The following YTHDC1 variants were observed in gnomAD, a reference collection of about 807,000 sequenced individuals.
YTHDC1 encodes the protein YTH domain-containing protein 1.
A neutral mutation model predicts 107.0 loss-of-function variants in YTHDC1; 12 were observed. The observed-to-expected ratio is 0.11, with a 90% confidence interval of 0.07 to 0.18. The LOEUF is 0.18. YTHDC1 is among the 10% of genes least tolerant of loss of function. The pLI is 1.00. For missense variants in YTHDC1, 635 were observed against 898.8 expected, an observed-to-expected ratio of 0.71 and a Z score of 3.75; for synonymous variants, 280 against 289.5, an observed-to-expected ratio of 0.97 and a Z score of 0.33.
chr4:68,337,780 A>G lies in YTHDC1; in HGVS notation c.251T>C (p.Ile84Thr), dbSNP rs201696087. The G allele has an allele frequency of 6.8e-6, 11 of 1,614,028 alleles. No individual in the cohort carries two copies. Among genetic ancestry groups the G allele is most frequent in the African/African-American group, 6.7e-5 (5 of 74,934 alleles). Reference sequence around the variant, plus strand: ...GGCTGACTTTCCTTTTGTACTAACTATTCTTTTGTTATTGCTAACAGATGA... The same window carrying G: ...GGCTGACTTTCCTTTTGTACTAACTGTTCTTTTGTTATTGCTAACAGATGA... ...LSSSVSNNKRIVSTKGKSATE... is the reference protein window; with the variant it reads ...LSSSVSNNKRTVSTKGKSATE... The change falls in exon 3 of 17, where the codon ATA becomes ACA. Residue 84 changes from isoleucine (I) to threonine (T), a missense_variant. Coordinates refer to ENST00000344157, the MANE Select transcript of YTHDC1 (RefSeq NM_001031732.4).
intron 1 of YTHDC1, among the ~76,000 whole-genome samples, chr4:68,345,490 T>C (rs905191811): frequency 2.0e-5 from 3 of 152,226 alleles, no homozygotes; most frequent in African/African-American, 7.2e-5. Flanking sequence ...TATTGTCTTG[T>C]AATGTACGTT....
At chr4:68,328,376 T>C (rs1723215625) in intron 9 of YTHDC1, among the ~76,000 whole-genome samples, 1 of 152,180 alleles carries the variant, frequency 6.6e-6, no homozygotes, top group Non-Finnish European at 1.5e-5. Flanking sequence ...CACCAGATTT[T>C]CAACTTTAAT....
intron 4 of YTHDC1, among the ~76,000 whole-genome samples, chr4:68,336,007 A>G (rs555199178): frequency 1.3e-4 from 19 of 148,094 alleles, no homozygotes; most frequent in African/African-American, 4.4e-4. Flanking sequence ...ATAAATATAT[A>G]GTATAAAATA....
chr4:68,337,962 A>C lies in YTHDC1; in HGVS notation c.131-62T>G, dbSNP rs930744136. 1.2e-5 allele frequency: 18 copies of C among 1,536,726 alleles called. No homozygotes were observed. In the Middle Eastern group the frequency reaches 1.2e-3, roughly 100 times the overall value. ...TTTGTAGTATTCCATTTATTTCACC[A>C]AAGACTGACAATAATATATACATCA... On this transcript the variant is annotated intron_variant, in intron 2 of 16. Transcript: ENST00000344157.
At chr4:68,342,584 T>G (rs561638419) in intron 1 of YTHDC1, among the ~76,000 whole-genome samples, 1 of 152,308 alleles carries the variant, frequency 6.6e-6, no homozygotes, top group African/African-American at 2.4e-5. Flanking sequence ...ATATTTTAAT[T>G]ATATACTTGA....
Position 68,313,413 on chromosome 4 carries a change from A to G in YTHDC1, c.*686T>C, listed in dbSNP as rs1721460123. On this transcript the variant is annotated 3_prime_UTR_variant, in exon 17 of 17. Coordinates refer to ENST00000344157, the MANE Select transcript of YTHDC1 (RefSeq NM_001031732.4). ...GCTGCCACGCACGCAAGTTGTGAAC[A>G]TTCCAAGCCAATGTATACAATTTGG... 6.6e-6 allele frequency: 1 copy of G among 152,670 alleles called. No homozygotes were observed. The highest frequency in any genetic ancestry group is 6.5e-5 in the Admixed American group (1 of 15,278). 9.5% of individuals were successfully genotyped at this position (152,670 alleles called of 1,614,324 possible).
intron 9 of YTHDC1, among the ~76,000 whole-genome samples, chr4:68,329,052 T>C (rs997337566): frequency 3.3e-5 from 5 of 152,202 alleles, no homozygotes; most frequent in South Asian, 4.1e-4. Context: ...AGTGACTGTA[T>C]GCTATTTGTA....
chr4:68,342,471 C>A (rs1724929195), intron 1 of YTHDC1, among the ~76,000 whole-genome samples: 1 of 152,162 alleles, frequency 6.6e-6, no homozygotes, highest in African/African-American at 2.4e-5. Context: ...GCTTACCTAG[C>A]TTCAAACAGA....
chr4:68,321,290 G>GC (rs1722421582), intron 11 of YTHDC1, among the ~76,000 whole-genome samples: 1 of 152,002 alleles, frequency 6.6e-6, no homozygotes, highest in African/African-American at 2.4e-5. Flanking sequence ...ATAATCCCAA[G>GC]CCCCCCAACA....
intron 1 of YTHDC1, among the ~76,000 whole-genome samples, chr4:68,341,538 G>C (rs991508998): frequency 6.6e-6 from 1 of 151,222 alleles, no homozygotes; most frequent in Non-Finnish European, 1.5e-5. Context: ...TGCCTATTTA[G>C]AATGGCCTGC....
chr4:68,327,835 C>T (rs979707512), intron 9 of YTHDC1, among the ~76,000 whole-genome samples: 1 of 152,038 alleles, frequency 6.6e-6, no homozygotes, highest in Non-Finnish European at 1.5e-5. Context: ...ATATCACAAG[C>T]CCTCCAGAAC....
intron 2 of YTHDC1, 110 bp downstream of exon 2, chr4:68,338,173 T>G: frequency 7.6e-7 from 1 of 1,310,962 alleles, no homozygotes; most frequent in Non-Finnish European, 1.0e-6. Flanking sequence ...ACATTTAGTG[T>G]TAACTGCCTC....
rs1198197248 is a variant in YTHDC1, at chr4:68,313,102, A to C, written c.*997T>G. 2 of 152,218 alleles carry C rather than the reference A, an allele frequency of 1.3e-5. No homozygotes were observed. The highest frequency in any genetic ancestry group is 4.8e-5 in the African/African-American group (2 of 41,462). The allele number at this position is 152,218 out of a possible 1,614,324, so 9.4% of individuals were successfully genotyped here. A position where few individuals can be genotyped will look rare whatever the true frequency, so the allele number is the denominator to read the frequency against. On this transcript the variant is annotated 3_prime_UTR_variant, in exon 17 of 17. Coordinates refer to ENST00000344157, the MANE Select transcript of YTHDC1 (RefSeq NM_001031732.4). The stretch of plus-strand genomic sequence containing the variant: ...GACTCAAAATGTTATCAGGTGTATA[A>C]ATACTTAACCAAATTATTAACATAA...
intron 1 of YTHDC1, chr4:68,343,974 T>C (rs1725136657): frequency 1.3e-5 from 2 of 152,304 alleles, no homozygotes; most frequent in African/African-American, 4.8e-5. Context: ...ATGCTGTTTT[T>C]AAAAATTCTA....
rs1423838462 is a variant in YTHDC1 at position 68,323,220 on chromosome 4, CAGGACA to C, written c.1435-311_1435-306del. 3.9e-5 allele frequency among the ~76,000 whole-genome samples: 6 copies of C among 152,104 alleles called. No individual in the cohort carries two copies. The East Asian group carries it at 7.7e-4, about 20-fold the overall frequency. On this transcript the variant is annotated intron_variant, in intron 10 of 16. Transcript: ENST00000344157. ...TTCTTTGTGCAAAATAGAAAAATAT[CAGGACA>C]AGGTCATTTAATACAATGGAAAAAA...
intron 1 of YTHDC1, among the ~76,000 whole-genome samples, chr4:68,349,015 C>T (rs1725763273): frequency 6.6e-6 from 1 of 152,110 alleles, no homozygotes; most frequent in South Asian, 2.1e-4. Flanking sequence ...TGAAATTTAT[C>T]CCTCCAACTC....
chr4:68,324,016 T>C (rs372398649), intron 10 of YTHDC1, 123 bp downstream of exon 10: 2 of 804,806 alleles, frequency 2.5e-6, no homozygotes, highest in East Asian at 2.5e-5. Context: ...TCAGATAAGA[T>C]TATTTTTTCA....
rs1176891124 is a variant in YTHDC1, at chr4:68,340,771, A to T, written c.29-2387T>A. On this transcript the variant is annotated intron_variant, in intron 1 of 16. Coordinates refer to ENST00000344157, the MANE Select transcript of YTHDC1 (RefSeq NM_001031732.4). ...TCTTTTCATAAAATCACTAGATCTT[A>T]TTCAGAAATATCATCCCCGAACCCT... Among the ~76,000 whole-genome samples the T allele has an allele frequency of 2.6e-5, 4 of 152,210 alleles. No homozygotes were observed. The East Asian group carries it at 7.7e-4, about 29-fold the overall frequency.
At chr4:68,327,840 C>A (rs1426414902) in intron 9 of YTHDC1, among the ~76,000 whole-genome samples, 1 of 152,052 alleles carries the variant, frequency 6.6e-6, no homozygotes, top group African/African-American at 2.4e-5. Context: ...ACAAGCCCTC[C>A]AGAACTGTAA....
Sources: allele counts gnomAD v4.1 joint callset (sites outside exome capture counted in the v4.1 genomes callset), GRCh38; gene constraint gnomAD v4.1.1; transcripts MANE v1.5; gene names NCBI Gene and HGNC (gene_info 2026-07-23, HGNC 2026-07-21).